The following HLCS variants were observed in gnomAD, a reference collection of about 807,000 sequenced individuals.
HLCS encodes the protein holocarboxylase synthetase.
In HLCS, 53 loss-of-function variants were observed where a neutral mutation model predicts 75.0. The ratio of observed to expected loss-of-function variants is 0.71; its 90% CI spans 0.57 to 0.89. The LOEUF is 0.89. HLCS is among the 40% of genes least tolerant of loss of function. The pLI is 0.00. For synonymous variants in HLCS, 431 were observed against 428.6 expected (o/e 1.01, Z -0.07); for missense variants, 966 against 1,074.0 (o/e 0.90, Z 1.41).
At chr21:36,929,027 T>C (rs1389169658) in intron 5 of HLCS, among the ~76,000 whole-genome samples, 1 of 152,190 alleles carries the variant, frequency 6.6e-6, no homozygotes, top group Non-Finnish European at 1.5e-5. Context: ...AGACACATGA[T>C]ACAAAGCCCT....
intron 6 of HLCS, among the ~76,000 whole-genome samples, chr21:36,833,624 A>T (rs191973104): frequency 6.8e-6 from 1 of 148,092 alleles, no homozygotes; most frequent in Admixed American, 6.7e-5. Context: ...TTTGATTTGG[A>T]CACTGACTCT....
chr21:36,928,545 G>A (rs888887439), intron 5 of HLCS, among the ~76,000 whole-genome samples: 1 of 152,082 alleles, frequency 6.6e-6, no homozygotes, highest in African/African-American at 2.4e-5. Flanking sequence ...ACTCCAGCCT[G>A]GGCAACAGAG....
intron 6 of HLCS, among the ~76,000 whole-genome samples, chr21:36,845,280 G>A (rs2062758710): frequency 6.6e-6 from 1 of 152,234 alleles, no homozygotes; most frequent in African/African-American, 2.4e-5. Context: ...CCAGGGAGGT[G>A]AGGAATCCCG....
At chr21:36,854,973 G>A (rs1461617341) in intron 6 of HLCS, among the ~76,000 whole-genome samples, 1 of 152,114 alleles carries the variant, frequency 6.6e-6, no homozygotes, top group African/African-American at 2.4e-5. Flanking sequence ...GTTGGGTAAA[G>A]TCCATACAAG....
At chr21:36,787,247 G>A (rs2060716095) in intron 6 of HLCS, among the ~76,000 whole-genome samples, 2 of 152,184 alleles carry the variant, frequency 1.3e-5, no homozygotes, top group Admixed American at 1.3e-4. Flanking sequence ...ATGTTCCTCC[G>A]AGAGCAGTCC....
intron 6 of HLCS, among the ~76,000 whole-genome samples, chr21:36,834,365 G>C (rs2062328715): frequency 6.6e-6 from 1 of 152,186 alleles, no homozygotes; most frequent in African/African-American, 2.4e-5. Context: ...GAATGTCACT[G>C]AGCACCAGCA....
intron 6 of HLCS, among the ~76,000 whole-genome samples, chr21:36,887,789 C>T (rs892247168): frequency 2.0e-5 from 3 of 152,214 alleles, no homozygotes; most frequent in African/African-American, 4.8e-5. Context: ...CCCTTTATTT[C>T]ACAATTACGC....
chr21:36,815,299 G>A (rs1040666471), intron 6 of HLCS, among the ~76,000 whole-genome samples: 1 of 151,702 alleles, frequency 6.6e-6, no homozygotes, highest in African/African-American at 2.4e-5. Flanking sequence ...AAAGTGCTGG[G>A]ATTGCAGGCG....
chr21:36,775,184 C>A (rs2060318873), intron 6 of HLCS, among the ~76,000 whole-genome samples: 2 of 152,214 alleles, frequency 1.3e-5, no homozygotes, highest in Admixed American at 6.5e-5. Context: ...GCATACCTGC[C>A]CTTCTTACGT....
intron 4 of HLCS, among the ~76,000 whole-genome samples, chr21:36,933,076 C>T (rs2066719394): frequency 6.6e-6 from 1 of 152,064 alleles, no homozygotes; most frequent in East Asian, 1.9e-4. Flanking sequence ...TGAGATGGTG[C>T]CAGTGCACTC....
intron 6 of HLCS, among the ~76,000 whole-genome samples, chr21:36,797,028 G>A (rs112721455): frequency 0.021 from 3,232 of 151,974 alleles, 51 homozygotes; most frequent in Non-Finnish European, 0.028. Context: ...AACCACACCC[G>A]GCTAATTTTT....
At chr21:36,820,939 G>A (rs557193055) in intron 6 of HLCS, among the ~76,000 whole-genome samples, 13 of 152,220 alleles carry the variant, frequency 8.5e-5, no homozygotes, top group Non-Finnish European at 1.6e-4. Flanking sequence ...GTAGGATGCT[G>A]AGTGCAGACT....
At chr21:36,815,022 C>T (rs1360620861) in intron 6 of HLCS, among the ~76,000 whole-genome samples, 1 of 146,334 alleles carries the variant, frequency 6.8e-6, no homozygotes, top group Non-Finnish European at 1.5e-5. Flanking sequence ...ATCAATGAAG[C>T]TTTGCTTTTT....
chr21:36,911,007 A>G (rs1252149902), intron 5 of HLCS, among the ~76,000 whole-genome samples: 1 of 152,212 alleles, frequency 6.6e-6, no homozygotes, highest in Non-Finnish European at 1.5e-5. Flanking sequence ...GCTGACCGTC[A>G]CTTAGGGACA....
intron 6 of HLCS, among the ~76,000 whole-genome samples, chr21:36,835,337 A>T (rs897716978): frequency 3.3e-5 from 5 of 152,234 alleles, no homozygotes; most frequent in Non-Finnish European, 7.3e-5. Flanking sequence ...CAAAAGCAAT[A>T]ATCATAACTA....
intron 5 of HLCS, among the ~76,000 whole-genome samples, chr21:36,928,280 T>G (rs1290920577): frequency 6.6e-6 from 1 of 152,122 alleles, no homozygotes; most frequent in Non-Finnish European, 1.5e-5. Context: ...GCAGAGTTAA[T>G]AAACATTAAG....
rs1467944150 is a variant in HLCS at position 36,981,975 on chromosome 21, T to C, written c.-393+8183A>G. ...GCCCGGGAAGTGTTTATGGATGTTGTGCAGAATAGCCCTACCACAAAGAAA... is the reference window on the plus strand; with the variant it reads ...GCCCGGGAAGTGTTTATGGATGTTGCGCAGAATAGCCCTACCACAAAGAAA... On this transcript the variant is annotated intron_variant, in intron 1 of 11. Coordinates refer to the HLCS transcript ENST00000336648. Among the ~76,000 whole-genome samples, 9 of 152,166 alleles carry C rather than the reference T, an allele frequency of 5.9e-5. No homozygotes were observed. The East Asian group carries it at 1.7e-3, about 29-fold the overall frequency.
intron 6 of HLCS, among the ~76,000 whole-genome samples, chr21:36,826,943 G>A (rs2062026263): frequency 6.6e-6 from 1 of 152,170 alleles, no homozygotes; most frequent in African/African-American, 2.4e-5. Flanking sequence ...CATGGTCTGA[G>A]CCTGATTATA....
At chr21:36,837,177 C>T (rs139199455) in intron 6 of HLCS, among the ~76,000 whole-genome samples, 5,546 of 152,156 alleles carry the variant, frequency 0.036, 146 homozygotes, top group African/African-American at 0.074. Context: ...AGCAAGAGTC[C>T]GTCTCAAAAA....
Sources: gnomAD v4.1 joint callset for allele counts (sites outside exome capture counted in the v4.1 genomes callset) on GRCh38, gnomAD v4.1.1 for gene constraint, MANE v1.5 for transcripts, NCBI Gene and HGNC (gene_info 2026-07-23, HGNC 2026-07-21) for gene names.